The following COX10 variants were observed in gnomAD, a reference collection of about 807,000 sequenced individuals.
COX10 encodes the protein protoheme IX farnesyltransferase, mitochondrial.
In COX10, 27 loss-of-function variants were observed where a neutral mutation model predicts 37.3. The ratio of observed to expected loss-of-function variants is 0.72; its 90% confidence interval spans 0.53 to 1.00. COX10 has a LOEUF of 1.00. COX10 is among the 50% of genes least tolerant of loss of function. The probability of loss-of-function intolerance (pLI) is 0.00; values close to 1 mark genes in which losing one functional copy is unlikely to be tolerated. For synonymous variants in COX10, 222 were observed against 229.1 expected (o/e 0.97, Z 0.28); for missense variants, 475 against 563.2 (o/e 0.84, Z 1.59).
intron 4 of COX10, among the ~76,000 whole-genome samples, chr17:14,121,760 A>G (rs1214382152): frequency 6.6e-6 from 1 of 152,162 alleles, no homozygotes; most frequent in African/African-American, 2.4e-5. Flanking sequence ...ATCATAGAAA[A>G]AAGATTATCT....
intron 3 of COX10, among the ~76,000 whole-genome samples, chr17:14,080,803 T>G (rs959101724): frequency 1.3e-5 from 2 of 152,228 alleles, no homozygotes; most frequent in African/African-American, 4.8e-5. Flanking sequence ...CCTTTTCTTT[T>G]TTTATGGTAT....
intron 3 of COX10, among the ~76,000 whole-genome samples, chr17:14,079,115 T>G: frequency 6.6e-6 from 1 of 152,234 alleles, no homozygotes; most frequent in East Asian, 1.9e-4. Context: ...GTTCCTTAAC[T>G]TTATTGAGAT....
intron 4 of COX10, among the ~76,000 whole-genome samples, chr17:14,140,320 A>G (rs1434329448): frequency 6.6e-6 from 1 of 152,150 alleles, no homozygotes; most frequent in Non-Finnish European, 1.5e-5. Flanking sequence ...TATTTTAGGC[A>G]TTCTTCCAGA....
chr17:14,129,807 G>T (rs1311174092), intron 4 of COX10, among the ~76,000 whole-genome samples: 6 of 152,132 alleles, frequency 3.9e-5, no homozygotes, highest in Admixed American at 6.5e-5. Flanking sequence ...GACTCTCTGG[G>T]TACAGTAGGG....
At chr17:14,075,808 G>A (rs970790252) in intron 2 of COX10, among the ~76,000 whole-genome samples, 1 of 151,632 alleles carries the variant, frequency 6.6e-6, no homozygotes, top group Non-Finnish European at 1.5e-5. Flanking sequence ...GGCTAACACG[G>A]TGAAACCCTG....
chr17:14,168,094 A>G (rs1176715492), intron 5 of COX10, among the ~76,000 whole-genome samples: 1 of 152,268 alleles, frequency 6.6e-6, no homozygotes, highest in Admixed American at 6.5e-5. Context: ...CAATGAGGGT[A>G]CAGGCATTGG....
At chr17:14,136,021 G>A (rs891872186) in intron 4 of COX10, among the ~76,000 whole-genome samples, 3 of 151,920 alleles carry the variant, frequency 2.0e-5, no homozygotes, top group South Asian at 2.1e-4. Context: ...GATTAGAGAC[G>A]AAGATAGAGA....
At chr17:14,156,480 G>A (rs772747300) in intron 4 of COX10, among the ~76,000 whole-genome samples, 2 of 151,924 alleles carry the variant, frequency 1.3e-5, no homozygotes, top group Non-Finnish European at 2.9e-5. Context: ...CGCCCCCCTT[G>A]GCCTCCCAAA....
At chr17:14,141,372 T>G (rs1464773013) in intron 4 of COX10, among the ~76,000 whole-genome samples, 1 of 151,626 alleles carries the variant, frequency 6.6e-6, no homozygotes. Context: ...AGATCCTGTC[T>G]CTACAAAATA....
intron 5 of COX10, among the ~76,000 whole-genome samples, chr17:14,187,946 C>T (rs1665885471): frequency 6.6e-6 from 1 of 152,152 alleles, no homozygotes; most frequent in African/African-American, 2.4e-5. Context: ...TCTGTGACTT[C>T]AACAAAGGTC....
In COX10 at chr17:14,142,805, T is replaced by C. The variant is rs147573582; in HGVS notation, c.625-17072T>C. The stretch of plus-strand genomic sequence containing the variant: ...ACATTGTTATCTTTTTCATTCTTTA[T>C]GGTGGTAAGATCATGTATTACTCTT... On this transcript the variant is annotated intron_variant, in intron 4 of 6. Transcript: ENST00000261643. Among the ~76,000 whole-genome samples the C allele has an allele frequency of 1.6e-4, 25 of 152,346 alleles. No homozygotes were observed. The East Asian group carries it at 4.8e-3, about 29-fold the overall frequency.
intron 6 of COX10, among the ~76,000 whole-genome samples, chr17:14,201,431 A>T (rs1261194902): frequency 6.6e-6 from 1 of 152,194 alleles, no homozygotes; most frequent in East Asian, 1.9e-4. Context: ...AGCCAAACCC[A>T]CACCCAATTT....
At chr17:14,129,550 T>C (rs1916418459) in intron 4 of COX10, among the ~76,000 whole-genome samples, 2 of 152,218 alleles carry the variant, frequency 1.3e-5, no homozygotes, top group Admixed American at 1.3e-4. Flanking sequence ...AGAGCTATTT[T>C]TATTTAGGCT....
At chr17:14,139,412 G>A (rs1567599982) in intron 4 of COX10, among the ~76,000 whole-genome samples, 2 of 152,112 alleles carry the variant, frequency 1.3e-5, no homozygotes, top group African/African-American at 2.4e-5. Flanking sequence ...TGGACTTAGA[G>A]CAAATGTACT....
At chr17:14,189,818 G>A (rs1906147218) in intron 5 of COX10, among the ~76,000 whole-genome samples, 1 of 152,188 alleles carries the variant, frequency 6.6e-6, no homozygotes, top group Admixed American at 6.5e-5. Flanking sequence ...GGATGGAAGA[G>A]ATAAAGGCAA....
chr17:14,079,696 A>G (rs1034852019), intron 3 of COX10, among the ~76,000 whole-genome samples: 3 of 152,194 alleles, frequency 2.0e-5, no homozygotes, highest in African/African-American at 7.2e-5. Flanking sequence ...TTCAAATAAT[A>G]CAGAAGCATA....
At chr17:14,089,518 T>C (rs1479620430) in intron 3 of COX10, among the ~76,000 whole-genome samples, 1 of 152,224 alleles carries the variant, frequency 6.6e-6, no homozygotes, top group East Asian at 1.9e-4. Context: ...AGGTGGTTGA[T>C]GGAACTTCAG....
At chr17:14,117,514 A>G (rs994709086) in intron 4 of COX10, among the ~76,000 whole-genome samples, 10 of 152,198 alleles carry the variant, frequency 6.6e-5, no homozygotes, top group African/African-American at 1.7e-4. Context: ...ATCACATCCT[A>G]TATCTCTGAA....
At chr17:14,095,749 C>G (rs1484929549) in intron 3 of COX10, among the ~76,000 whole-genome samples, 2 of 152,104 alleles carry the variant, frequency 1.3e-5, no homozygotes, top group Non-Finnish European at 2.9e-5. Flanking sequence ...TGGTAGAATT[C>G]ATTTCTTTGC....
Sources: allele counts gnomAD v4.1 joint callset (sites outside exome capture counted in the v4.1 genomes callset), GRCh38; gene constraint gnomAD v4.1.1; transcripts MANE v1.5; gene names NCBI Gene and HGNC (gene_info 2026-07-23, HGNC 2026-07-21).